Variants in RPF1 observed in about 807,000 individuals in gnomAD.
RPF1 encodes ribosome production factor 1.
Under a neutral mutation model 41.9 loss-of-function variants are expected in RPF1, and 34 were observed. The ratio of observed to expected loss-of-function variants is 0.81; its 90% confidence interval spans 0.62 to 1.08. The LOEUF is 1.08. Among genes scored for constraint, RPF1 ranks in the 50% least tolerant of loss-of-function variants. The pLI is 0.00. For missense variants in RPF1, 425 were observed against 435.2 expected (o/e 0.98, Z 0.21); for synonymous variants, 140 against 148.9 (o/e 0.94, Z 0.43).
intron 6 of RPF1, 109 bp from the exon 7 acceptor site, chr1:84,495,773 A>T: frequency 1.5e-6 from 1 of 687,794 alleles, no homozygotes; most frequent in Non-Finnish European, 2.4e-6. Context: ...GTCACTAAAA[A>T]ATACATTTTG....
In RPF1 at chr1:84,479,562, G is replaced by A. The variant is rs35471136; in HGVS notation, c.228+53G>A. ...GCTTGCGCGTTGTTCCTGACGCTTA[G>A]GGCGGTCGCGGGGCGCACATCTGTG... On this transcript the variant is annotated intron_variant, in intron 1 of 8. Transcript: ENST00000370654. 3 of 1,535,340 alleles carry A rather than the reference G, an allele frequency of 2.0e-6. No individual in the cohort carries two copies. In the Admixed American group the frequency reaches 5.2e-5, roughly 27 times the overall value.
chr1:84,486,108 C>A (rs935718027), intron 3 of RPF1, among the ~76,000 whole-genome samples: 2 of 152,002 alleles, frequency 1.3e-5, no homozygotes, highest in Admixed American at 6.6e-5. Context: ...AGGAGTGTAT[C>A]GAATATGCTT....
Position 84,497,313 on chromosome 1 carries a change from C to T in RPF1, c.1009-116C>T, listed in dbSNP as rs1449072172. 5.3e-6 allele frequency: 4 copies of T among 756,516 alleles called. No individual in the cohort carries two copies. In the East Asian group the frequency reaches 1.1e-4, roughly 20 times the overall value. 46.9% of individuals were successfully genotyped at this position (756,516 alleles called of 1,614,324 possible). A position where few individuals can be genotyped will look rare whatever the true frequency, so the allele number is the denominator to read the frequency against. On this transcript the variant is annotated intron_variant, in intron 8 of 8. Transcript: ENST00000370654. ...GGGGTCTCGCACAAACCCGGTTTTT[C>T]AGCACTAGTGTTACTTATGAAGATC...
chr1:84,496,532 C>T (rs1681937756), intron 8 of RPF1, among the ~76,000 whole-genome samples, 162 bp downstream of exon 8: 1 of 135,030 alleles, frequency 7.4e-6, no homozygotes, highest in Admixed American at 7.7e-5. Flanking sequence ...ACCTATGTAA[C>T]AAACCTGTAC....
chr1:84,483,527 A>G (rs556407543), intron 3 of RPF1, among the ~76,000 whole-genome samples: 1 of 152,250 alleles, frequency 6.6e-6, no homozygotes, highest in Admixed American at 6.5e-5. Flanking sequence ...TTGGCCTCCA[A>G]AAGTGCTGGG....
At chr1:84,488,287 C>T (rs1243103238) in intron 3 of RPF1, among the ~76,000 whole-genome samples, 4 of 151,998 alleles carry the variant, frequency 2.6e-5, no homozygotes, top group East Asian at 1.9e-4. Flanking sequence ...TCATGTATTT[C>T]GTAATTCTCT....
chr1:84,489,521 C>T, intron 3 of RPF1, 112 bp from the exon 4 acceptor site: 1 of 658,538 alleles, frequency 1.5e-6, no homozygotes, highest in African/African-American at 1.8e-5. Flanking sequence ...GTCTTTAAAG[C>T]CCCTATCAGC....
intron 5 of RPF1, among the ~76,000 whole-genome samples, chr1:84,493,493 G>A (rs376940277): frequency 2.0e-5 from 3 of 151,970 alleles, no homozygotes; most frequent in East Asian, 3.9e-4. Context: ...GGGAGGTTGA[G>A]GTGGGAGGAT....
Position 84,480,947 on chromosome 1 carries a change from A to G in RPF1, c.229-9A>G. On this transcript the variant is annotated splice_polypyrimidine_tract_variant and intron_variant, in intron 1 of 8. Coordinates refer to ENST00000370654, the MANE Select transcript of RPF1 (RefSeq NM_025065.7). Reference sequence around the variant, plus strand: ...CTCAGTATTGTTCTCTTTTTTTTTAACCCTTTAGGAAAAGTTGGCAGCTAA... The same window carrying G: ...CTCAGTATTGTTCTCTTTTTTTTTAGCCCTTTAGGAAAAGTTGGCAGCTAA... 1 of 1,482,480 alleles carries G rather than the reference A, an allele frequency of 6.7e-7. No homozygotes were observed. The highest frequency in any genetic ancestry group is 9.4e-7 in the Non-Finnish European group (1 of 1,067,268). 91.8% of individuals were successfully genotyped at this position (1,482,480 alleles called of 1,614,324 possible). A position where few individuals can be genotyped will look rare whatever the true frequency, so the allele number is the denominator to read the frequency against.
chr1:84,496,456 A>G (rs776297644), intron 8 of RPF1, 86 bp downstream of exon 8: 17 of 1,196,586 alleles, frequency 1.4e-5, no homozygotes, highest in Non-Finnish European at 1.5e-5. Context: ...AGGAATAGCT[A>G]ATGGATGCTG....
chr1:84,479,454 AAAAC>A lies in RPF1; in HGVS notation c.179_182del (p.Lys60SerfsTer5), dbSNP rs939035429. ...CCAGGCTTTAGCATTTCGGAGATTA[AAAAC>A]AAACAGCGGCGACACTTAATGTTCA... On this transcript the variant is annotated frameshift_variant, in exon 1 of 9. Transcript: ENST00000370654. LOFTEE classifies it high-confidence loss of function. 3 of 1,614,136 alleles carry A rather than the reference AAAAC, an allele frequency of 1.9e-6. No homozygotes were observed. Among genetic ancestry groups the A allele is most frequent in the African/African-American group, 2.7e-5 (2 of 74,954 alleles).
At chr1:84,495,267 A>T (rs1409751471) in intron 5 of RPF1, 106 bp from the exon 6 acceptor site, 5 of 660,606 alleles carry the variant, frequency 7.6e-6, no homozygotes, top group Non-Finnish European at 1.3e-5. Context: ...CTGCCTATTC[A>T]CTTGGGTACA....
At chr1:84,494,287 G>A (rs1681890583) in intron 5 of RPF1, among the ~76,000 whole-genome samples, 1 of 152,196 alleles carries the variant, frequency 6.6e-6, no homozygotes, top group South Asian at 2.1e-4. Context: ...AAGCAGTTAA[G>A]ATTTGGTGGG....
chr1:84,496,571 A>G (rs999467295), intron 8 of RPF1, among the ~76,000 whole-genome samples: 1 of 151,558 alleles, frequency 6.6e-6, no homozygotes, highest in East Asian at 1.9e-4. Context: ...TGAACTAAAA[A>G]AAAAAAAAAA....
At position 84,490,409 on chromosome 1, in the gene RPF1, C is replaced by G; in HGVS notation, c.553C>G (p.Pro185Ala). The G allele has an allele frequency of 6.2e-7, 1 of 1,611,688 alleles. No homozygotes were observed. Among genetic ancestry groups the G allele is most frequent in the Non-Finnish European group, 8.5e-7 (1 of 1,178,732 alleles). Reference protein sequence around the residue: ...RRGLALKKIIPQCIARDFTDL... With the variant: ...RRGLALKKIIAQCIARDFTDL... The stretch of plus-strand genomic sequence containing the variant: ...AGGACTGGCTCTGAAAAAAATTATT[C>G]CACAGTGCATCGCAAGAGATTTCAC... Residue 185 changes from proline (P) to alanine (A), a missense_variant, in exon 5 of 9, where the codon CCA (proline) becomes GCA (alanine). Pro to Ala is a conservative substitution (Grantham distance 27, BLOSUM62 -1). Transcript: ENST00000370654.
chr1:84,483,379 G>A, intron 3 of RPF1: 1 of 171,106 alleles, frequency 5.8e-6, no homozygotes, highest in South Asian at 1.4e-4. Context: ...CAATTCTTCT[G>A]CCTCAGCCTC....
intron 6 of RPF1, 152 bp downstream of exon 6, chr1:84,495,607 A>T: frequency 1.7e-6 from 1 of 575,060 alleles, no homozygotes. Context: ...CTCTTGGGAG[A>T]CTGTGGTTAA....
At chr1:84,487,486 T>C (rs1366719142) in intron 3 of RPF1, among the ~76,000 whole-genome samples, 1 of 152,204 alleles carries the variant, frequency 6.6e-6, no homozygotes, top group African/African-American at 2.4e-5. Context: ...GGAACTTCTC[T>C]ATATAATTTG....
At chr1:84,491,791 T>C (rs1446714882) in intron 5 of RPF1, among the ~76,000 whole-genome samples, 1 of 152,236 alleles carries the variant, frequency 6.6e-6, no homozygotes, top group East Asian at 1.9e-4. Flanking sequence ...TCAATAAATG[T>C]TCTATCCCTG....
Sources: allele counts gnomAD v4.1 joint callset (sites outside exome capture counted in the v4.1 genomes callset), GRCh38; gene constraint gnomAD v4.1.1; transcripts MANE v1.5; gene names NCBI Gene and HGNC (gene_info 2026-07-23, HGNC 2026-07-21).